WIPF2: variants seen among roughly 807,000 people sequenced by gnomAD.
WIPF2 encodes the protein WAS/WASL-interacting protein family member 2.
A neutral mutation model predicts 38.8 loss-of-function variants in WIPF2; 23 were observed. The observed-to-expected ratio is 0.59, with a 90% CI of 0.43 to 0.84. WIPF2 has a LOEUF of 0.84. Ranked by LOEUF, WIPF2 falls within the 40% of genes least tolerant of loss-of-function variation. WIPF2 has a pLI of 0.00. For synonymous variants in WIPF2, 210 were observed against 223.2 expected (o/e 0.94, Z 0.53); for missense variants, 574 against 580.5 (o/e 0.99, Z 0.11).
Position 40,219,468 on chromosome 17 carries a change from T to C in WIPF2, c.-94T>C, listed in dbSNP as rs2030072021. The C allele has an allele frequency of 3.4e-5, 8 of 236,262 alleles. No individual in the cohort carries two copies. In the South Asian group the frequency reaches 5.0e-4, roughly 15 times the overall value. The allele number at this position is 236,262 out of a possible 1,614,324, so 14.6% of individuals were successfully genotyped here. A position where few individuals can be genotyped will look rare whatever the true frequency, so the allele number is the denominator to read the frequency against. ...AGCCGGAGTGTAGGCGGCAGAGGAT[T>C]CGCTCCCAGAGCAGCTGCGGCCAGG... On this transcript the variant is annotated 5_prime_UTR_variant, in exon 1 of 8. Coordinates refer to ENST00000323571, the MANE Select transcript of WIPF2 (RefSeq NM_133264.5).
intron 5 of WIPF2, among the ~76,000 whole-genome samples, chr17:40,266,190 A>G (rs891617108): frequency 6.7e-6 from 1 of 149,692 alleles, no homozygotes; most frequent in Non-Finnish European, 1.5e-5. Context: ...GTGAGCCGAG[A>G]TCACGCCACT....
chr17:40,265,098 A>C lies in WIPF2; in HGVS notation c.922A>C (p.Ser308Arg), dbSNP rs1356241385. 6.2e-6 allele frequency: 10 copies of C among 1,613,570 alleles called. No homozygotes were observed. The highest frequency in any genetic ancestry group is 4.0e-5 in the African/African-American group (3 of 75,012). The change falls in exon 5 of 8, where the codon AGT becomes CGT. Residue 308 changes from serine to arginine, a missense_variant. By Grantham distance (110) the Ser-to-Arg change is moderately radical (BLOSUM62 -1). Coordinates refer to ENST00000323571, the MANE Select transcript of WIPF2 (RefSeq NM_133264.5). The stretch of plus-strand genomic sequence containing the variant: ...CACCTCGGCCTCCCCATCTTTACTG[A>C]GTAATAGGCCACCTCCCCCAGCCCG... ...PPTSASPSLL[S>R]NRPPPPARDP... is the part of the protein sequence containing the mutation.
intron 1 of WIPF2, among the ~76,000 whole-genome samples, chr17:40,246,396 A>AT (rs746176753): frequency 0.03 from 2,752 of 90,688 alleles, 124 homozygotes; most frequent in African/African-American, 0.087. Flanking sequence ...TGTGCTGCTC[A>AT]TTTTTTTTTT....
At chr17:40,243,282 T>C (rs888897077) in intron 1 of WIPF2, among the ~76,000 whole-genome samples, 1 of 152,120 alleles carries the variant, frequency 6.6e-6, no homozygotes, top group African/African-American at 2.4e-5. Context: ...CTGCAGTTGG[T>C]ATACAAACCC....
In WIPF2 at chr17:40,277,070, ATTC is replaced by A; in HGVS notation, c.1181-10_1181-8del. On this transcript the variant is annotated splice_polypyrimidine_tract_variant and intron_variant, in intron 6 of 7. Coordinates refer to ENST00000323571, the MANE Select transcript of WIPF2 (RefSeq NM_133264.5). ...CAAGGATGATAGGAATTAATGTTCT[ATTC>A]TTTTCGCAGATGATTTTGAGTCAAA... 1 of 1,604,416 alleles carries A rather than the reference ATTC, an allele frequency of 6.2e-7. No homozygotes were observed. The highest frequency in any genetic ancestry group is 1.1e-5 in the South Asian group (1 of 90,036).
Position 40,264,504 on chromosome 17 carries a change from A to G in WIPF2, c.328A>G (p.Lys110Glu). The G allele has an allele frequency of 6.2e-7, 1 of 1,614,062 alleles. No homozygotes were observed. ...AKDGSENLAGKPALQIPSSRA... is the reference protein window; with the variant it reads ...AKDGSENLAGEPALQIPSSRA... ...TGTATTTGTAGAGAACCTAGCTGGT[A>G]AGCCAGCCCTGCAAATCCCCAGTTC... is the stretch of plus-strand genomic sequence containing the variant. The change falls in exon 5 of 8, where the codon AAG becomes GAG. Residue 110 changes from lysine (K) to glutamate (E), a missense_variant. Coordinates refer to ENST00000323571, the MANE Select transcript of WIPF2 (RefSeq NM_133264.5).
chr17:40,263,557 C>G (rs902596317), intron 4 of WIPF2, among the ~76,000 whole-genome samples: 1 of 139,420 alleles, frequency 7.2e-6, no homozygotes, highest in African/African-American at 2.6e-5. Context: ...CCCCCCCCCC[C>G]CCGCAAATGG....
chr17:40,261,084 C>T (rs1345951570), intron 3 of WIPF2, among the ~76,000 whole-genome samples: 1 of 149,340 alleles, frequency 6.7e-6, no homozygotes, highest in Non-Finnish European at 1.5e-5. Flanking sequence ...GTAACTAATG[C>T]TCATCAGGGT....
At chr17:40,276,296 G>A (rs1005840083) in intron 6 of WIPF2, among the ~76,000 whole-genome samples, 2 of 152,144 alleles carry the variant, frequency 1.3e-5, no homozygotes, top group Non-Finnish European at 2.9e-5. Flanking sequence ...GGGAGGCCGA[G>A]GCAGGTGGAT....
intron 2 of WIPF2, 66 bp from the exon 3 acceptor site, chr17:40,260,469 G>C: frequency 1.3e-6 from 2 of 1,581,722 alleles, no homozygotes; most frequent in Non-Finnish European, 1.7e-6. Context: ...TTACAGGCGT[G>C]AGCCACCGCA....
chr17:40,243,585 C>T (rs181976360), intron 1 of WIPF2, among the ~76,000 whole-genome samples: 1 of 152,028 alleles, frequency 6.6e-6, no homozygotes, highest in East Asian at 1.9e-4. Context: ...GCCATCTCGG[C>T]TCACTGCAAC....
chr17:40,229,739 C>G (rs1392608500), intron 1 of WIPF2, among the ~76,000 whole-genome samples: 2 of 152,156 alleles, frequency 1.3e-5, no homozygotes, highest in Non-Finnish European at 2.9e-5. Flanking sequence ...ATTTATTAAA[C>G]AAATAATTAT....
chr17:40,229,583 A>G (rs1268228603), intron 1 of WIPF2, among the ~76,000 whole-genome samples: 2 of 151,796 alleles, frequency 1.3e-5, no homozygotes, highest in Non-Finnish European at 2.9e-5. Flanking sequence ...ATGTCTGGCT[A>G]ATTTTTTCTG....
intron 1 of WIPF2, chr17:40,220,579 A>ATATATATG (rs1373778033): frequency 6.3e-5 from 2 of 31,844 alleles, no homozygotes; most frequent in African/African-American, 1.3e-4. Flanking sequence ...GTGTGTATAT[A>ATATATATG]TATATATATA....
At chr17:40,263,545 G>GCC (rs2031980034) in intron 4 of WIPF2, among the ~76,000 whole-genome samples, 1 of 97,858 alleles carries the variant, frequency 1.0e-5, no homozygotes, top group Non-Finnish European at 2.0e-5. Context: ...TTATTTATTC[G>GCC]TCCCCCCCCC....
intron 1 of WIPF2, among the ~76,000 whole-genome samples, chr17:40,246,501 G>A (rs2031369503): frequency 1.3e-5 from 2 of 150,074 alleles, no homozygotes; most frequent in Admixed American, 6.7e-5. Flanking sequence ...TGGGTTCAAC[G>A]ATTCTCCTGC....
chr17:40,260,921 G>T, intron 3 of WIPF2: 1 of 477,982 alleles, frequency 2.1e-6, no homozygotes, highest in Non-Finnish European at 3.8e-6. Context: ...GGGAGGTCAA[G>T]GTGGAAAGAT....
intron 1 of WIPF2, among the ~76,000 whole-genome samples, chr17:40,238,639 A>G (rs1295152438): frequency 2.0e-5 from 3 of 149,824 alleles, no homozygotes; most frequent in Non-Finnish European, 4.4e-5. Flanking sequence ...TTGAGACAGA[A>G]TCTCACTCTG....
rs899409620 is a variant in WIPF2, at chr17:40,250,231, T to G, written c.-69-6160T>G. 4.8e-4 allele frequency among the ~76,000 whole-genome samples: 56 copies of G among 115,882 alleles called. 1 individual carries two copies. Among genetic ancestry groups the G allele is most frequent in the African/African-American group, 1.8e-3 (53 of 30,136 alleles). The allele number at this position is 115,882 out of a possible 152,430, so 76.0% of individuals were successfully genotyped here. A position where few individuals can be genotyped will look rare whatever the true frequency, so the allele number is the denominator to read the frequency against. ...CGAATTTTATCATGTTTTTTTTTTTTTTTTTTTTTTTTTTTTGAGACAAAG... is the reference window on the plus strand; with the variant it reads ...CGAATTTTATCATGTTTTTTTTTTTGTTTTTTTTTTTTTTTTGAGACAAAG... On this transcript the variant is annotated intron_variant, in intron 1 of 7. Transcript: ENST00000323571.
Sources: allele counts gnomAD v4.1 joint callset (sites outside exome capture counted in the v4.1 genomes callset), GRCh38; gene constraint gnomAD v4.1.1; transcripts MANE v1.5; gene names NCBI Gene and HGNC (gene_info 2026-07-23, HGNC 2026-07-21).